CREBBP: variants seen among roughly 807,000 people sequenced by gnomAD.
CREBBP encodes CREB-binding protein.
Under a neutral mutation model 265.0 loss-of-function variants are expected in CREBBP, and 19 were observed. The observed-to-expected ratio is 0.07, with a 90% CI of 0.05 to 0.11. The LOEUF (loss-of-function observed/expected upper bound fraction) is 0.11. Ranked by LOEUF, CREBBP falls within the 10% of genes least tolerant of loss-of-function variation. CREBBP has a pLI of 1.00. For missense variants in CREBBP, 2,525 were observed against 3,219.0 expected (o/e 0.78, Z 5.22); for synonymous variants, 1,457 against 1,223.7 (o/e 1.19, Z -3.98).
intron 2 of CREBBP, among the ~76,000 whole-genome samples, chr16:3,819,277 T>C (rs985413041): frequency 2.0e-5 from 3 of 152,246 alleles, no homozygotes; most frequent in Admixed American, 1.3e-4. Flanking sequence ...TCTCTGCACC[T>C]TGGTTTTATC....
intron 23 of CREBBP, 76 bp from the exon 24 acceptor site, chr16:3,740,625 C>T (rs772717358): frequency 4.9e-5 from 75 of 1,532,794 alleles, no homozygotes; most frequent in Non-Finnish European, 6.5e-5. Context: ...AGAGAATCCA[C>T]CCCACTTTGC....
At chr16:3,759,279 A>C (rs1423665482) in intron 16 of CREBBP, among the ~76,000 whole-genome samples, 6 of 152,122 alleles carry the variant, frequency 3.9e-5, no homozygotes, top group Non-Finnish European at 5.9e-5. Flanking sequence ...CTCATTCATC[A>C]AACTGGGTGG....
chr16:3,748,445 T>G (rs950456715), intron 21 of CREBBP, among the ~76,000 whole-genome samples: 3 of 152,180 alleles, frequency 2.0e-5, no homozygotes, highest in Non-Finnish European at 1.5e-5. Context: ...AGACTACAGC[T>G]CTAGGATTTC....
chr16:3,749,508 GA>G (rs1455501142), intron 21 of CREBBP, 118 bp downstream of exon 21: 1 of 697,256 alleles, frequency 1.4e-6, no homozygotes, highest in Non-Finnish European at 2.5e-6. Flanking sequence ...CCTCACACCA[GA>G]AATTCCACTT....
At chr16:3,773,668 G>T in intron 13 of CREBBP, 83 bp downstream of exon 13, 3 of 1,417,982 alleles carry the variant, frequency 2.1e-6, no homozygotes, top group Non-Finnish European at 2.9e-6. Flanking sequence ...TAATTTCCAC[G>T]AAGGAAGACA....
chr16:3,879,811 C>A lies in CREBBP; in HGVS notation c.85+21G>T, dbSNP rs1437251686. The stretch of plus-strand genomic sequence containing the variant: ...GTGACAGCGCGCCCCGGGCCCCCGC[C>A]GCCCCGGACCCCCTCCTCACCTGTG... On this transcript the variant is annotated intron_variant, in intron 1 of 30. Transcript: ENST00000262367. 28 of 1,570,730 alleles carry A rather than the reference C, an allele frequency of 1.8e-5. No homozygotes were observed. In the East Asian group the frequency reaches 6.5e-4, roughly 36 times the overall value.
At chr16:3,790,290 A>C (rs1229126915) in intron 5 of CREBBP, among the ~76,000 whole-genome samples, 12 of 152,134 alleles carry the variant, frequency 7.9e-5, no homozygotes, top group African/African-American at 2.9e-4. Flanking sequence ...TTATATAAGA[A>C]ATGTCCAGGG....
Position 3,729,472 on chromosome 16 carries a change from G to A in CREBBP, c.5575C>T (p.Leu1859=), listed in dbSNP as rs748640689. 2 of 1,614,208 alleles carry A rather than the reference G, an allele frequency of 1.2e-6. No homozygotes were observed. Among genetic ancestry groups the A allele is most frequent in the Non-Finnish European group, 1.7e-6 (2 of 1,180,026 alleles). ...CGGCGCATGAGCTGGGCCTGCTGCAGGCGGTGCTGGATCTGCTGCTGGCGG... is the reference window on the plus strand; with the variant it reads ...CGGCGCATGAGCTGGGCCTGCTGCAAGCGGTGCTGGATCTGCTGCTGGCGG... ...KLRQQQIQHR[L]QQAQLMRRRM... Residue 1859 remains leucine, a synonymous_variant, in exon 31 of 31, where the codon CTG becomes TTG. Coordinates refer to ENST00000262367, the MANE Select transcript of CREBBP (RefSeq NM_004380.3).
At chr16:3,777,802 C>G (rs2141231420) in intron 10 of CREBBP, 145 bp from the exon 11 acceptor site, 1 of 1,094,056 alleles carries the variant, frequency 9.1e-7, no homozygotes, top group Non-Finnish European at 1.4e-6. Flanking sequence ...TGTTCCAATG[C>G]CAGCGCACCC....
Position 3,731,492 on chromosome 16 carries a change from T to G in CREBBP, c.4891-19A>C, listed in dbSNP as rs2151317795. 1.3e-6 allele frequency: 2 copies of G among 1,568,346 alleles called. No homozygotes were observed. Among genetic ancestry groups the G allele is most frequent in the Non-Finnish European group, 1.7e-6 (2 of 1,159,598 alleles). Reference sequence around the variant, plus strand: ...AGAAGACCTGCAGGAGAGGAGGGGCTTTAGTCCCACACAAGGGACATGGCA... The same window carrying G: ...AGAAGACCTGCAGGAGAGGAGGGGCGTTAGTCCCACACAAGGGACATGGCA... On this transcript the variant is annotated intron_variant, in intron 29 of 30. Transcript: ENST00000262367. This position sits in a 1 kb window ranked among gnomAD's most constrained non-coding sequence, Gnocchi z 7.7.
chr16:3,771,080 T>G (rs2052996773), intron 13 of CREBBP, 94 bp from the exon 14 acceptor site: 1 of 1,463,608 alleles, frequency 6.8e-7, no homozygotes. Flanking sequence ...AAAAAAATTT[T>G]TTTTTTTGAG....
intron 3 of CREBBP, among the ~76,000 whole-genome samples, chr16:3,809,367 G>A (rs1437890789): frequency 6.6e-6 from 1 of 151,974 alleles, no homozygotes; most frequent in Non-Finnish European, 1.5e-5. Flanking sequence ...TAGCAGAGAC[G>A]GGGTTTCATC....
chr16:3,737,446 TTC>T (rs1231238601), intron 26 of CREBBP, among the ~76,000 whole-genome samples: 1 of 150,508 alleles, frequency 6.6e-6, no homozygotes, highest in African/African-American at 2.5e-5. Flanking sequence ...AACATTTTTT[TTC>T]TTTTTTCTTT....
chr16:3,867,766 A>G (rs1168397383), intron 1 of CREBBP, among the ~76,000 whole-genome samples: 1 of 150,300 alleles, frequency 6.7e-6, no homozygotes. Context: ...CTAAAAAAAA[A>G]AAAAAAAAAA....
Position 3,725,176 on chromosome 16 carries a change from G to C in CREBBP, c.*2542C>G, listed in dbSNP as rs189649723. The C allele has an allele frequency of 1.7e-5, 4 of 233,396 alleles. No individual in the cohort carries two copies. The highest frequency in any genetic ancestry group is 6.0e-5 in the East Asian group (1 of 16,570). 14.5% of individuals were successfully genotyped at this position (233,396 alleles called of 1,614,324 possible). The stretch of plus-strand genomic sequence containing the variant: ...TTAAGTATACAGCATGAGACACAGC[G>C]TTGGGGCTTTCCAGGTTTCTTACAG... On this transcript the variant is annotated 3_prime_UTR_variant, in exon 31 of 31. Coordinates refer to ENST00000262367, the MANE Select transcript of CREBBP (RefSeq NM_004380.3).
intron 28 of CREBBP, 77 bp downstream of exon 28, chr16:3,735,959 G>C (rs1567269115): frequency 6.2e-7 from 1 of 1,612,506 alleles, no homozygotes. Context: ...CCTAACAGTC[G>C]ACACGCGCCT....
At chr16:3,737,870 C>G (rs1286728793) in intron 26 of CREBBP, among the ~76,000 whole-genome samples, 1 of 151,818 alleles carries the variant, frequency 6.6e-6, no homozygotes, top group African/African-American at 2.4e-5. Flanking sequence ...CACTGCAACC[C>G]CCCGCCTCCT....
chr16:3,867,362 C>T (rs1466212010), intron 1 of CREBBP, among the ~76,000 whole-genome samples: 1 of 151,982 alleles, frequency 6.6e-6, no homozygotes, highest in Non-Finnish European at 1.5e-5. Context: ...CATGGTGGTG[C>T]GTGCCTGTAG....
chr16:3,795,030 T>C (rs1213231724), intron 3 of CREBBP, among the ~76,000 whole-genome samples: 1 of 152,212 alleles, frequency 6.6e-6, no homozygotes, highest in Non-Finnish European at 1.5e-5. Context: ...TAAAAGTTTA[T>C]AGAGTTTTCT....
Sources: gnomAD v4.1 joint callset for allele counts (sites outside exome capture counted in the v4.1 genomes callset) on GRCh38, gnomAD v4.1.1 for gene constraint, Gnocchi (gnomAD v3.1) non-coding constraint, MANE v1.5 for transcripts, NCBI Gene and HGNC (gene_info 2026-07-23, HGNC 2026-07-21) for gene names.